Variants in SOX6 observed in about 807,000 individuals in gnomAD.
SOX6 encodes transcription factor SOX-6.
A neutral mutation model predicts 97.8 loss-of-function variants in SOX6; 11 were observed. The ratio of observed to expected loss-of-function variants is 0.11; its 90% CI spans 0.07 to 0.19. SOX6 has a LOEUF of 0.19. SOX6 is among the 10% of genes least tolerant of loss of function. The pLI is 1.00. For missense variants in SOX6, 810 were observed against 1,039.5 expected (o/e 0.78, Z 3.04); for synonymous variants, 360 against 371.4 (o/e 0.97, Z 0.35).
intron 12 of SOX6, among the ~76,000 whole-genome samples, chr11:16,022,964 T>C (rs1356341167): frequency 1.3e-5 from 2 of 152,216 alleles, no homozygotes; most frequent in African/African-American, 4.8e-5. Context: ...ATGGAATTTC[T>C]TGTAGCTCCC....
intron 1 of SOX6, among the ~76,000 whole-genome samples, chr11:16,399,948 G>A (rs1267224541): frequency 1.3e-5 from 2 of 151,452 alleles, no homozygotes; most frequent in Non-Finnish European, 3.0e-5. Context: ...ATTGGTTGAT[G>A]AGAGTTGCCC....
chr11:16,074,722 G>A (rs1848309686), intron 9 of SOX6, among the ~76,000 whole-genome samples: 1 of 151,956 alleles, frequency 6.6e-6, no homozygotes, highest in South Asian at 2.1e-4. Context: ...TGATACTAAT[G>A]GAAAATGAAT....
chr11:16,135,278 A>G (rs1339020591), intron 6 of SOX6, among the ~76,000 whole-genome samples: 1 of 152,204 alleles, frequency 6.6e-6, no homozygotes, highest in Non-Finnish European at 1.5e-5. Context: ...CCCAACACTC[A>G]TTTTGCAGTC....
At chr11:16,015,346 G>A (rs1354019171) in intron 12 of SOX6, 10 of 421,068 alleles carry the variant, frequency 2.4e-5, no homozygotes, top group East Asian at 5.0e-5. Flanking sequence ...TAAAAACAAC[G>A]CAATAGAGAG....
At chr11:16,236,382 CA>C (rs1435798152) in intron 3 of SOX6, among the ~76,000 whole-genome samples, 10 of 152,020 alleles carry the variant, frequency 6.6e-5, no homozygotes, top group African/African-American at 2.4e-4. Flanking sequence ...AGCAATTCTT[CA>C]AATCCATGCC....
chr11:16,592,166 G>A (rs919725604), intron 4 of SOX6, among the ~76,000 whole-genome samples: 1 of 151,606 alleles, frequency 6.6e-6, no homozygotes, highest in Admixed American at 6.6e-5. Context: ...GTTTTGCTAA[G>A]GGCGTGCTCT....
chr11:16,341,362 A>T, intron 1 of SOX6, 110 bp from the exon 2 acceptor site: 4 of 1,447,836 alleles, frequency 2.8e-6, no homozygotes, highest in Non-Finnish European at 3.7e-6. Context: ...AACTTTAGAG[A>T]TATTTGTGGT....
chr11:16,461,796 C>T (rs1214385957), intron 1 of SOX6, among the ~76,000 whole-genome samples: 1 of 152,180 alleles, frequency 6.6e-6, no homozygotes, highest in Admixed American at 6.5e-5. Flanking sequence ...CTCCTCTCTT[C>T]TGTGTATCTC....
intron 2 of SOX6, among the ~76,000 whole-genome samples, chr11:16,721,618 C>CCTCTCTCT (rs59547335): frequency 1.3e-4 from 3 of 22,352 alleles, no homozygotes; most frequent in African/African-American, 6.0e-4. Flanking sequence ...TCCCTCCCTC[C>CCTCTCTCT]CTCTCTCTCT....
intron 12 of SOX6, among the ~76,000 whole-genome samples, chr11:16,026,902 T>C (rs940000601): frequency 6.6e-6 from 1 of 152,144 alleles, no homozygotes. Context: ...AGAAACGCTT[T>C]TCAAAACAGT....
intron 6 of SOX6, among the ~76,000 whole-genome samples, chr11:16,133,466 A>G (rs545561325): frequency 1.3e-5 from 2 of 152,202 alleles, no homozygotes; most frequent in Non-Finnish European, 2.9e-5. Flanking sequence ...ATTTTCCATA[A>G]GAGCACTGAT....
intron 2 of SOX6, 94 bp from the exon 3 acceptor site, chr11:16,318,747 C>G: frequency 1.2e-6 from 1 of 838,536 alleles, no homozygotes; most frequent in Non-Finnish European, 1.9e-6. Context: ...GTATATGATG[C>G]TTAGTAGGAC....
intron 6 of SOX6, among the ~76,000 whole-genome samples, chr11:16,135,470 C>T (rs1398904265): frequency 6.6e-6 from 1 of 152,026 alleles, no homozygotes; most frequent in Non-Finnish European, 1.5e-5. Context: ...ATCAAAATAT[C>T]AACATGAACA....
chr11:16,472,426 TCAAAGATA>T (rs899067994), intron 1 of SOX6, among the ~76,000 whole-genome samples: 1 of 152,160 alleles, frequency 6.6e-6, no homozygotes, highest in African/African-American at 2.4e-5. Flanking sequence ...AAAGAGCCCT[TCAAAGATA>T]CTTTATATTT....
upstream of SOX6, among the ~76,000 whole-genome samples, chr11:16,358,803 G>T (rs1398133310): frequency 3.9e-5 from 6 of 152,108 alleles, no homozygotes; most frequent in East Asian, 1.2e-3. Context: ...TTCTAACACT[G>T]AAATTTTATT....
chr11:16,194,453 T>A (rs1393237888), intron 4 of SOX6, among the ~76,000 whole-genome samples: 1 of 152,220 alleles, frequency 6.6e-6, no homozygotes, highest in Non-Finnish European at 1.5e-5. Context: ...GCAATTGTGC[T>A]CTTAGGAATC....
In SOX6 at chr11:16,207,084, C is replaced by T. The variant is rs112204915; in HGVS notation, c.536-20129G>A. Among the ~76,000 whole-genome samples, 1,226 of 152,202 alleles carry T rather than the reference C, an allele frequency of 8.1e-3. 16 individuals are homozygous for T. Among genetic ancestry groups the T allele is most frequent in the African/African-American group, 0.027 (1,136 of 41,526 alleles). ...CATATACCACTATTTTCACTGAAAA[C>T]ATAAAAATCTCCAGAAAAGTCATTT... On this transcript the variant is annotated intron_variant, in intron 4 of 15. Transcript: ENST00000683767.
intron 12 of SOX6, among the ~76,000 whole-genome samples, chr11:16,021,637 G>T (rs1261099895): frequency 6.6e-6 from 1 of 151,924 alleles, no homozygotes; most frequent in Non-Finnish European, 1.5e-5. Context: ...GAGGAAATGA[G>T]GTTCATTATT....
chr11:16,723,605 T>C (rs1252362656), intron 2 of SOX6, among the ~76,000 whole-genome samples: 1 of 151,006 alleles, frequency 6.6e-6, no homozygotes, highest in Non-Finnish European at 1.5e-5. Flanking sequence ...AGGCCAGGAG[T>C]TGGAGACCAG....
Sources: gnomAD v4.1 joint callset for allele counts (sites outside exome capture counted in the v4.1 genomes callset) on GRCh38, gnomAD v4.1.1 for gene constraint, MANE v1.5 for transcripts, NCBI Gene and HGNC (gene_info 2026-07-23, HGNC 2026-07-21) for gene names.